Variants in TIMM21 observed in about 807,000 individuals in gnomAD.
TIMM21 encodes translocase of inner mitochondrial membrane 21.
TIMM21 carries 30 observed loss-of-function variants against 27.7 expected under a neutral mutation model. The observed-to-expected ratio is 1.08, with a 90% CI of 0.81 to 1.47. The LOEUF (loss-of-function observed/expected upper bound fraction) is 1.47, where lower values mean the gene tolerates loss of function less well. TIMM21 is among the 40% of genes most tolerant of loss of function. TIMM21 has a pLI of 0.00. For missense variants in TIMM21, 292 were observed against 302.9 expected, an observed-to-expected ratio of 0.96 and a Z score of 0.27; for synonymous variants, 121 against 114.4, an observed-to-expected ratio of 1.06 and a Z score of -0.37.
Position 74,160,169 on chromosome 18 carries a change from A to G in TIMM21, c.*1689A>G, listed in dbSNP as rs886480462. 1 of 152,036 alleles carries G rather than the reference A, an allele frequency of 6.6e-6. No individual in the cohort carries two copies. Among genetic ancestry groups the G allele is most frequent in the Admixed American group, 6.6e-5 (1 of 15,256 alleles). 9.4% of individuals were successfully genotyped at this position (152,036 alleles called of 1,614,324 possible). A position where few individuals can be genotyped will look rare whatever the true frequency, so the allele number is the denominator to read the frequency against. On this transcript the variant is annotated 3_prime_UTR_variant, in exon 6 of 6. Coordinates refer to ENST00000169551, the MANE Select transcript of TIMM21 (RefSeq NM_014177.3). ...CCCTATCTACTAAAAATTCAAAAAAAAAAAAATTAACCAGGCACGTTGACA... is the reference window on the plus strand; with the variant it reads ...CCCTATCTACTAAAAATTCAAAAAAGAAAAAATTAACCAGGCACGTTGACA...
rs1010630490 is a variant in TIMM21 at position 74,148,630 on chromosome 18, G to C, written c.-179G>C. The C allele has an allele frequency of 1.7e-6, 1 of 585,308 alleles. No individual in the cohort carries two copies. Among genetic ancestry groups the C allele is most frequent in the Admixed American group, 2.9e-5 (1 of 35,048 alleles). 36.3% of individuals were successfully genotyped at this position (585,308 alleles called of 1,614,324 possible). A position where few individuals can be genotyped will look rare whatever the true frequency, so the allele number is the denominator to read the frequency against. ...AAGACAGAAGGGAAGGTAGACATCA[G>C]GTTCTCCCTGGAGACTTTTCGTTTT... On this transcript the variant is annotated 5_prime_UTR_variant, in exon 1 of 6. Coordinates refer to ENST00000169551, the MANE Select transcript of TIMM21 (RefSeq NM_014177.3).
chr18:74,157,527 A>T (rs1181354131), intron 3 of TIMM21: 1 of 154,580 alleles, frequency 6.5e-6, no homozygotes, highest in Non-Finnish European at 1.4e-5. Flanking sequence ...TAAATTATTT[A>T]TGGGATGATT....
At chr18:74,155,611 C>T (rs1979930869) in intron 3 of TIMM21, 1 of 508,388 alleles carries the variant, frequency 2.0e-6, no homozygotes, top group East Asian at 3.1e-5. Flanking sequence ...GCTAATTGTA[C>T]AAGACAGTCA....
rs754600868 is a variant in TIMM21 at position 74,158,005 on chromosome 18, G to C, written c.463-9G>C. On this transcript the variant is annotated splice_polypyrimidine_tract_variant and intron_variant, in intron 3 of 5. Transcript: ENST00000169551. ...TAACACAAAATAAAGCACTGTCCTT[G>C]TTCTGCAGGTGATCGGTGTCTTTGG... The C allele has an allele frequency of 2.5e-6, 4 of 1,613,894 alleles. No homozygotes were observed. Among genetic ancestry groups the C allele is most frequent in the African/African-American group, 1.3e-5 (1 of 74,932 alleles).
chr18:74,158,391 G>A lies in TIMM21; in HGVS notation c.658G>A (p.Glu220Lys). The A allele has an allele frequency of 1.9e-6, 3 of 1,607,328 alleles. No homozygotes were observed. Among genetic ancestry groups the A allele is most frequent in the Non-Finnish European group, 2.6e-6 (3 of 1,175,748 alleles). ...TTTTTTTCAGAACCCAGGAAGTGGT[G>A]AATATGATTTTCGATATATATTTGT... ...AQVKENPGSG[E>K]YDFRYIFVEI... Residue 220 changes from glutamate (E) to lysine (K), a missense_variant, in exon 6 of 6, where the codon GAA (glutamate) becomes AAA (lysine). Transcript: ENST00000169551.
At chr18:74,154,136 G>A (rs1011260933) in intron 1 of TIMM21, among the ~76,000 whole-genome samples, 1 of 152,254 alleles carries the variant, frequency 6.6e-6, no homozygotes, top group African/African-American at 2.4e-5. Context: ...GAAATGTTGG[G>A]AGGGACAATC....
rs1980039041 is a variant in TIMM21, at chr18:74,159,201, T to C, written c.*721T>C. 1 of 151,250 alleles carries C rather than the reference T, an allele frequency of 6.6e-6. No individual in the cohort carries two copies. The highest frequency in any genetic ancestry group is 2.4e-5 in the African/African-American group (1 of 40,872). 9.4% of individuals were successfully genotyped at this position (151,250 alleles called of 1,614,324 possible). ...TGCCCTCATCCCCTTTAGAACTTAC[T>C]TGCACTGATACTTCTGACTGCCAAA... On this transcript the variant is annotated 3_prime_UTR_variant, in exon 6 of 6. Coordinates refer to ENST00000169551, the MANE Select transcript of TIMM21 (RefSeq NM_014177.3).
At position 74,158,614 on chromosome 18, in the gene TIMM21, T is replaced by C. The variant is rs897470993; in HGVS notation, c.*134T>C. On this transcript the variant is annotated 3_prime_UTR_variant, in exon 6 of 6. Transcript: ENST00000169551. ...AAAGTGAATCTAATACAGTATTTGT[T>C]GCATTTAAACAAACTAGACATTTTC... 2 of 637,550 alleles carry C rather than the reference T, an allele frequency of 3.1e-6. No homozygotes were observed. The highest frequency in any genetic ancestry group is 5.6e-6 in the Non-Finnish European group (2 of 358,936). The allele number at this position is 637,550 out of a possible 1,614,324, so 39.5% of individuals were successfully genotyped here.
Position 74,158,770 on chromosome 18 carries a change from A to G in TIMM21, c.*290A>G. ...ATTGGAAATGTTACACCATGTAAAT[A>G]AAGGAAATAGATTTTAGTATTGTAT... is the stretch of plus-strand genomic sequence containing the variant. On this transcript the variant is annotated 3_prime_UTR_variant, in exon 6 of 6. Coordinates refer to ENST00000169551, the MANE Select transcript of TIMM21 (RefSeq NM_014177.3). The G allele has an allele frequency of 3.4e-6, 1 of 295,370 alleles. No homozygotes were observed. The highest frequency in any genetic ancestry group is 3.9e-5 in the South Asian group (1 of 25,638). 18.3% of individuals were successfully genotyped at this position (295,370 alleles called of 1,614,324 possible). A position where few individuals can be genotyped will look rare whatever the true frequency, so the allele number is the denominator to read the frequency against.
intron 1 of TIMM21, among the ~76,000 whole-genome samples, chr18:74,150,070 T>C (rs56309147): frequency 0.25 from 38,250 of 152,080 alleles, 7,557 homozygotes; most frequent in African/African-American, 0.54. Flanking sequence ...AGGGCATGTC[T>C]TGGCACGCCC....
rs528588522 is a variant in TIMM21, at chr18:74,155,366, A to G, written c.425A>G (p.Tyr142Cys). The G allele has an allele frequency of 3.7e-6, 6 of 1,613,274 alleles. No homozygotes were observed. The highest frequency in any genetic ancestry group is 3.3e-5 in the South Asian group (3 of 90,688). Residue 142 changes from tyrosine to cysteine, a missense_variant, in exon 3 of 6, where the codon TAT becomes TGT. Physicochemically the swap from Tyr to Cys is radical, Grantham distance 194 (BLOSUM62 -2). Transcript: ENST00000169551. The stretch of plus-strand genomic sequence containing the variant: ...TCTTCATCCAGTCCTAGCAAGATAT[A>G]TGGGAGAGCCTTAGAAAAATGCAGA... ...LFSSSSPSKI[Y>C]GRALEKCRSH...
Position 74,158,606 on chromosome 18 carries a change from G to A in TIMM21, c.*126G>A, listed in dbSNP as rs9411. On this transcript the variant is annotated 3_prime_UTR_variant, in exon 6 of 6. Coordinates refer to ENST00000169551, the MANE Select transcript of TIMM21 (RefSeq NM_014177.3). ...TGGCTTATAAAGTGAATCTAATACA[G>A]TATTTGTTGCATTTAAACAAACTAG... 1.5e-6 allele frequency: 1 copy of A among 645,784 alleles called. No homozygotes were observed. The allele number at this position is 645,784 out of a possible 1,614,324, so 40.0% of individuals were successfully genotyped here. A position where few individuals can be genotyped will look rare whatever the true frequency, so the allele number is the denominator to read the frequency against.
In TIMM21 at chr18:74,158,088, G is replaced by C. The variant is rs757636845; in HGVS notation, c.536+1G>C. On this transcript the variant is annotated splice_donor_variant, in intron 4 of 5. Coordinates refer to ENST00000169551, the MANE Select transcript of TIMM21 (RefSeq NM_014177.3). LOFTEE classifies it high-confidence loss of function. Reference sequence around the variant, plus strand: ...GGCGGGGTCGCCGGCAGCATGTCAGGTACTGTGGCTTGAATTCAGAGGAGG... The same window carrying C: ...GGCGGGGTCGCCGGCAGCATGTCAGCTACTGTGGCTTGAATTCAGAGGAGG... The C allele has an allele frequency of 1.2e-6, 2 of 1,614,086 alleles. No individual in the cohort carries two copies. The highest frequency in any genetic ancestry group is 2.2e-5 in the South Asian group (2 of 91,072).
At position 74,151,939 on chromosome 18, in the gene TIMM21, C is replaced by CCCCCG. The variant is rs1979816345; in HGVS notation, c.301+2834_301+2835insGCCCC. Among the ~76,000 whole-genome samples, 7 of 125,632 alleles carry CCCCCG rather than the reference C, an allele frequency of 5.6e-5. 1 individual carries two copies. Among genetic ancestry groups the CCCCCG allele is most frequent in the African/African-American group, 2.6e-4 (7 of 26,892 alleles). The allele number at this position is 125,632 out of a possible 152,430, so 82.4% of individuals were successfully genotyped here. A position where few individuals can be genotyped will look rare whatever the true frequency, so the allele number is the denominator to read the frequency against. ...TTAAGAAGCAGTGGTGTCTATGTTC[C>CCCCCG]CCCCCCCCCCGGGGGGACCTCCAGC... On this transcript the variant is annotated intron_variant, in intron 1 of 5. Transcript: ENST00000169551.
rs375556503 is a variant in TIMM21, at chr18:74,149,018, G to A, written c.210G>A (p.Pro70=). 1 of 1,614,102 alleles carries A rather than the reference G, an allele frequency of 6.2e-7. No homozygotes were observed. The highest frequency in any genetic ancestry group is 8.5e-7 in the Non-Finnish European group (1 of 1,180,022). Residue 70 remains proline, a synonymous_variant, in exon 1 of 6, where the codon CCG becomes CCA. Transcript: ENST00000169551. Reference sequence around the variant, plus strand: ...AGAAAACCATCTGGACGCAGGGACCGAGCCCCCGAAAAGCAAAGGAGGATG... The same window carrying A: ...AGAAAACCATCTGGACGCAGGGACCAAGCCCCCGAAAAGCAAAGGAGGATG... The part of the protein sequence containing the change: ...VTQKTIWTQG[P]SPRKAKEDGS...
rs751652051 is a variant in TIMM21 at position 74,158,451 on chromosome 18, A to G, written c.718A>G (p.Ile240Val). 6 of 1,594,340 alleles carry G rather than the reference A, an allele frequency of 3.8e-6. No homozygotes were observed. The highest frequency in any genetic ancestry group is 2.2e-5 in the South Asian group (2 of 90,528). ...ATCTTATCCTAGAAGAACTATTATC[A>G]TTGAAGATAATCGATCCCAAGATGA... ...IESYPRRTIIIEDNRSQDD is the reference protein window; with the variant it reads ...IESYPRRTIIVEDNRSQDD Residue 240 changes from isoleucine (I) to valine (V), a missense_variant, in exon 6 of 6, where the codon ATT (isoleucine) becomes GTT (valine). Coordinates refer to ENST00000169551, the MANE Select transcript of TIMM21 (RefSeq NM_014177.3).
chr18:74,154,501 T>C (rs1480049815), intron 1 of TIMM21, among the ~76,000 whole-genome samples: 1 of 152,146 alleles, frequency 6.6e-6, no homozygotes, highest in African/African-American at 2.4e-5. Flanking sequence ...GACCTCGTGA[T>C]CCGCCTGCCT....
intron 1 of TIMM21, among the ~76,000 whole-genome samples, chr18:74,149,489 A>T (rs565678923): frequency 1.3e-5 from 2 of 152,304 alleles, no homozygotes; most frequent in Admixed American, 1.3e-4. Flanking sequence ...AACATAAAAT[A>T]GGGAGGATGG....
chr18:74,157,259 G>A (rs1979974446), intron 3 of TIMM21: 1 of 152,064 alleles, frequency 6.6e-6, no homozygotes, highest in South Asian at 2.1e-4. Flanking sequence ...TCCTCACTGT[G>A]TTTGGTAACT....
Sources: gnomAD v4.1 joint callset for allele counts (sites outside exome capture counted in the v4.1 genomes callset) on GRCh38, gnomAD v4.1.1 for gene constraint, MANE v1.5 for transcripts, NCBI Gene and HGNC (gene_info 2026-07-23, HGNC 2026-07-21) for gene names.